RSF1: variants seen among roughly 807,000 people sequenced by gnomAD.
The protein encoded by RSF1 is HBV pX-associated protein 8.
RSF1 carries 13 observed loss-of-function variants against 145.2 expected under a neutral mutation model. The observed-to-expected ratio is 0.09, with a 90% CI of 0.06 to 0.14. The LOEUF is 0.14. RSF1 is among the 10% of genes least tolerant of loss of function. The pLI is 1.00. For missense variants in RSF1, 1,517 were observed against 1,718.2 expected, an observed-to-expected ratio of 0.88 and a Z score of 2.07; for synonymous variants, 577 against 592.6, an observed-to-expected ratio of 0.97 and a Z score of 0.38.
intron 5 of RSF1, among the ~76,000 whole-genome samples, chr11:77,719,814 C>T (rs908686184): frequency 6.6e-6 from 1 of 152,060 alleles, no homozygotes; most frequent in African/African-American, 2.4e-5. Flanking sequence ...TAATATTTAG[C>T]ATATGTTTTT....
Position 77,672,132 on chromosome 11 carries a change from A to C in RSF1, c.3661T>G (p.Ser1221Ala). 6.2e-7 allele frequency: 1 copy of C among 1,614,008 alleles called. No individual in the cohort carries two copies. Among genetic ancestry groups the C allele is most frequent in the Non-Finnish European group, 8.5e-7 (1 of 1,179,978 alleles). ...QKRQINYKED[S>A]ESDGSQKSLR... Reference sequence around the variant, plus strand: ...CTCTTCTGGGAACCGTCACTTTCTGAGTCTTCTTTGTAGTTAATTTGTCTT... The same window carrying C: ...CTCTTCTGGGAACCGTCACTTTCTGCGTCTTCTTTGTAGTTAATTTGTCTT... Residue 1221 changes from serine to alanine, a missense_variant, in exon 15 of 16, where the codon TCA becomes GCA. Transcript: ENST00000308488.
In RSF1 at chr11:77,734,897, G is replaced by A. The variant is rs776082239; in HGVS notation, c.578+5834C>T. 8.2e-4 allele frequency: 1,294 copies of A among 1,579,500 alleles called. 1 individual carries two copies. Among genetic ancestry groups the A allele is most frequent in the Middle Eastern group, 3.0e-3 (18 of 5,946 alleles). On this transcript the variant is annotated intron_variant, in intron 4 of 15. Transcript: ENST00000308488. ...AAGTTCTTCAAAGCCACATCATCAC[G>A]GTCAAAGCAGTAAGACATGGACAGG...
At chr11:77,759,855 TA>T (rs11409466) in intron 2 of RSF1, among the ~76,000 whole-genome samples, 22,638 of 134,082 alleles carry the variant, frequency 0.17, 2,182 homozygotes, top group African/African-American at 0.27. Context: ...TGATGCATGT[TA>T]AAAAAAAAAA....
At chr11:77,789,183 A>G (rs549403061) in intron 1 of RSF1, among the ~76,000 whole-genome samples, 1 of 152,308 alleles carries the variant, frequency 6.6e-6, no homozygotes, top group East Asian at 1.9e-4. Flanking sequence ...TCAGCGGTCC[A>G]TGTTCCCACC....
At chr11:77,754,451 A>G (rs76983002) in intron 2 of RSF1, among the ~76,000 whole-genome samples, 3,091 of 152,070 alleles carry the variant, frequency 0.02, 95 homozygotes, top group African/African-American at 0.07. Flanking sequence ...AAAATTTTAA[A>G]AATTAGGGCT....
chr11:77,734,826 A>G (rs1176392696), intron 4 of RSF1: 7 of 1,594,642 alleles, frequency 4.4e-6, no homozygotes, highest in Non-Finnish European at 3.4e-6. Flanking sequence ...TCAGTTTCTC[A>G]GCATGCTCCC....
At chr11:77,841,053 C>T in the RSF1 span, 7 of 588,800 alleles carry the variant, frequency 1.2e-5, no homozygotes, top group African/African-American at 9.3e-5. Context: ...CCAGTTGGCT[C>T]GCATCTGGTG....
intron 4 of RSF1, among the ~76,000 whole-genome samples, chr11:77,729,348 GACTGGTT>G (rs1217526656): frequency 6.6e-6 from 1 of 152,148 alleles, no homozygotes; most frequent in African/African-American, 2.4e-5. Context: ...GTTTTGGGCA[GACTGGTT>G]ACTGACTTTG....
chr11:77,743,798 A>T (rs1461768513), intron 3 of RSF1, among the ~76,000 whole-genome samples: 1 of 152,188 alleles, frequency 6.6e-6, no homozygotes, highest in Non-Finnish European at 1.5e-5. Context: ...TCCTGATGTT[A>T]AAGGAAAAGC....
rs1183377433 is a variant in RSF1, at chr11:77,733,153, T to G, written c.579-7454A>C. ...AACATTTGAAGAAACTGCAAAACTT[T>G]CCCAAAGTGGTTGTATCATTTTACA... On this transcript the variant is annotated intron_variant, in intron 4 of 15. Coordinates refer to ENST00000308488, the MANE Select transcript of RSF1 (RefSeq NM_016578.4). Among the ~76,000 whole-genome samples the G allele has an allele frequency of 5.9e-5, 9 of 152,332 alleles. No individual in the cohort carries two copies. The East Asian group carries it at 1.2e-3, about 20-fold the overall frequency.
intron 1 of RSF1, among the ~76,000 whole-genome samples, chr11:77,789,479 C>G (rs1948494272): frequency 6.6e-6 from 1 of 152,224 alleles, no homozygotes; most frequent in African/African-American, 2.4e-5. Context: ...AAGCAAGGCA[C>G]AGGCTACCTC....
At chr11:77,813,705 G>C (rs1948752761) in intron 1 of RSF1, 1 of 442,542 alleles carries the variant, frequency 2.3e-6, no homozygotes, top group Admixed American at 2.7e-5. Context: ...TGACCGACTT[G>C]TTCCTCGGCG....
chr11:77,671,173 A>ATT (rs1959535221), intron 15 of RSF1, among the ~76,000 whole-genome samples: 1 of 95,934 alleles, frequency 1.0e-5, no homozygotes, highest in African/African-American at 4.3e-5. Context: ...ATATATATAT[A>ATT]TATATTTATA....
intron 9 of RSF1, 91 bp downstream of exon 9, chr11:77,691,068 T>TA: frequency 7.8e-7 from 1 of 1,288,964 alleles, no homozygotes; most frequent in Non-Finnish European, 1.1e-6. Context: ...AGTATGCCAA[T>TA]CCTTGTTTTA....
At chr11:77,824,631 G>A (rs1485948365), upstream of RSF1, among the ~76,000 whole-genome samples, 2 of 152,122 alleles carry the variant, frequency 1.3e-5, no homozygotes, top group Non-Finnish European at 2.9e-5. Context: ...AAAGAGTTAG[G>A]TACTGTACAA....
intron 1 of RSF1, among the ~76,000 whole-genome samples, chr11:77,798,339 C>T (rs1010516252): frequency 1.3e-5 from 2 of 151,944 alleles, no homozygotes; most frequent in African/African-American, 2.4e-5. Context: ...AATCCTAGCA[C>T]TTTGGGAGGC....
At chr11:77,788,549 A>C (rs926936854) in intron 1 of RSF1, among the ~76,000 whole-genome samples, 1 of 151,830 alleles carries the variant, frequency 6.6e-6, no homozygotes, top group Admixed American at 6.6e-5. Context: ...AATGAAAACT[A>C]AACAAAATGA....
At chr11:77,734,110 T>C (rs1443234064) in intron 4 of RSF1, among the ~76,000 whole-genome samples, 2 of 152,216 alleles carry the variant, frequency 1.3e-5, no homozygotes, top group East Asian at 1.9e-4. Flanking sequence ...GATTGAGCCA[T>C]ATGAAATCAC....
the RSF1 span, among the ~76,000 whole-genome samples, chr11:77,850,290 T>C: frequency 6.6e-6 from 1 of 152,224 alleles, no homozygotes. Context: ...TTACCAGTCA[T>C]TAAAACAACT....
Sources: gnomAD v4.1 joint callset for allele counts (sites outside exome capture counted in the v4.1 genomes callset) on GRCh38, gnomAD v4.1.1 for gene constraint, MANE v1.5 for transcripts, NCBI Gene and HGNC (gene_info 2026-07-23, HGNC 2026-07-21) for gene names.